Variants in XRN1 observed in about 807,000 individuals in gnomAD.
XRN1 encodes the protein 5'-3' exoribonuclease 1.
Under a neutral mutation model 222.3 loss-of-function variants are expected in XRN1, and 67 were observed. That is an observed-to-expected ratio of 0.30 (90% CI 0.25 to 0.37). The LOEUF is 0.37. Ranked by LOEUF, XRN1 falls within the 10% of genes least tolerant of loss-of-function variation. XRN1 has a pLI of 1.00. For missense variants in XRN1, 1,707 were observed against 2,000.2 expected, an observed-to-expected ratio of 0.85 and a Z score of 2.80; for synonymous variants, 643 against 652.4, an observed-to-expected ratio of 0.99 and a Z score of 0.22.
intron 29 of XRN1, among the ~76,000 whole-genome samples, chr3:142,361,961 CTCTTTTT>C (rs1347699988): frequency 9.0e-5 from 9 of 99,974 alleles, no homozygotes; most frequent in African/African-American, 3.6e-4. Context: ...TTCTTTTTCT[CTCTTTTT>C]TTTTTTTTTT....
intron 10 of XRN1, among the ~76,000 whole-genome samples, chr3:142,420,694 T>G (rs977256779): frequency 6.6e-6 from 1 of 152,160 alleles, no homozygotes; most frequent in Non-Finnish European, 1.5e-5. Context: ...TTTAATAACA[T>G]GTTTTAAGTA....
In XRN1 at chr3:142,312,766, A is replaced by G; in HGVS notation, c.4622-8T>C. ...ACGAAGGCATTATATTAGCTGTTAA[A>G]AACCAAGGAAAATTTTTCTTTTAGT... On this transcript the variant is annotated splice_region_variant and splice_polypyrimidine_tract_variant and intron_variant, in intron 39 of 40. Coordinates refer to ENST00000392981, the MANE Select transcript of XRN1 (RefSeq NM_001282857.2). 6.3e-7 allele frequency: 1 copy of G among 1,581,728 alleles called. No individual in the cohort carries two copies. The highest frequency in any genetic ancestry group is 1.2e-5 in the South Asian group (1 of 86,892).
At chr3:142,426,639 C>A (rs1393949797) in intron 3 of XRN1, 105 bp downstream of exon 3, 3 of 1,099,062 alleles carry the variant, frequency 2.7e-6, no homozygotes, top group Non-Finnish European at 2.6e-6. Context: ...GTAAATGGAA[C>A]CCTAAGGCCA....
At chr3:142,385,144 C>T (rs1380153892) in intron 20 of XRN1, among the ~76,000 whole-genome samples, 2 of 152,142 alleles carry the variant, frequency 1.3e-5, no homozygotes, top group Non-Finnish European at 2.9e-5. Flanking sequence ...GGATTGGAAA[C>T]AGGTACTCAA....
chr3:142,408,424 C>A (rs2068435678), intron 15 of XRN1, among the ~76,000 whole-genome samples: 1 of 152,168 alleles, frequency 6.6e-6, no homozygotes, highest in African/African-American at 2.4e-5. Context: ...TCTTCTATCC[C>A]TTGCGATGCA....
In XRN1 at chr3:142,314,509, T is replaced by G. The variant is rs76801171; in HGVS notation, c.4622-1751A>C. The stretch of plus-strand genomic sequence containing the variant: ...TAGCTACTGTATTCATTTTTGAATG[T>G]GAAGCAGCAGCAGTCAAATTAGATT... On this transcript the variant is annotated intron_variant, in intron 39 of 40. Coordinates refer to ENST00000392981, the MANE Select transcript of XRN1 (RefSeq NM_001282857.2). 1.2e-3 allele frequency among the ~76,000 whole-genome samples: 179 copies of G among 152,310 alleles called. 1 individual carries two copies. In the East Asian group the frequency reaches 0.033, roughly 28 times the overall value.
At chr3:142,428,374 G>A (rs1395097325) in intron 2 of XRN1, among the ~76,000 whole-genome samples, 2 of 135,554 alleles carry the variant, frequency 1.5e-5, no homozygotes, top group Admixed American at 8.0e-5. Context: ...CAGCTTGGGC[G>A]AGACAGAGCA....
chr3:142,425,044 T>C (rs912792425), intron 5 of XRN1, among the ~76,000 whole-genome samples, 178 bp downstream of exon 5: 1 of 152,162 alleles, frequency 6.6e-6, no homozygotes, highest in African/African-American at 2.4e-5. Context: ...GTCAATAAAC[T>C]ATGGTTAAAA....
At chr3:142,434,937 T>G (rs992306648) in intron 1 of XRN1, 5 of 152,120 alleles carry the variant, frequency 3.3e-5, no homozygotes, top group Admixed American at 6.5e-5. Context: ...AAAAATTACA[T>G]ACAAATATTT....
chr3:142,398,131 G>T (rs2067996341), intron 19 of XRN1, among the ~76,000 whole-genome samples: 1 of 152,026 alleles, frequency 6.6e-6, no homozygotes, highest in Admixed American at 6.5e-5. Context: ...TGTAGTCCCA[G>T]ATACTCGGGA....
At chr3:142,429,110 GAAGA>G (rs997171156) in intron 2 of XRN1, among the ~76,000 whole-genome samples, 1 of 150,548 alleles carries the variant, frequency 6.6e-6, no homozygotes, top group Non-Finnish European at 1.5e-5. Context: ...GAAATAAGTT[GAAGA>G]AAGAAGTATT....
intron 20 of XRN1, among the ~76,000 whole-genome samples, chr3:142,386,546 G>C (rs1466894019): frequency 2.0e-5 from 3 of 151,984 alleles, no homozygotes; most frequent in Non-Finnish European, 4.4e-5. Context: ...TTAAAAACAA[G>C]CTACAGTGAT....
intron 15 of XRN1, among the ~76,000 whole-genome samples, chr3:142,405,375 C>A (rs1245779989): frequency 6.6e-6 from 1 of 152,122 alleles, no homozygotes; most frequent in Non-Finnish European, 1.5e-5. Context: ...AAGTGTGAAT[C>A]TATTATAATA....
At chr3:142,364,504 C>T (rs2066756833) in intron 29 of XRN1, among the ~76,000 whole-genome samples, 1 of 152,004 alleles carries the variant, frequency 6.6e-6, no homozygotes, top group South Asian at 2.1e-4. Flanking sequence ...ACTGTATGCA[C>T]ACTGTTGTGC....
chr3:142,444,469 G>C (rs2070404779), intron 1 of XRN1, among the ~76,000 whole-genome samples: 1 of 152,116 alleles, frequency 6.6e-6, no homozygotes, highest in Non-Finnish European at 1.5e-5. Context: ...AAATTAGCTA[G>C]GCGTAGTGGC....
chr3:142,427,264 T>A (rs529859635), intron 2 of XRN1, among the ~76,000 whole-genome samples: 40 of 152,062 alleles, frequency 2.6e-4, no homozygotes, highest in Admixed American at 1.2e-3. Flanking sequence ...GCCCAGGAGC[T>A]CAAGATTGCA....
chr3:142,317,331 T>C (rs531273951), intron 39 of XRN1, among the ~76,000 whole-genome samples: 78 of 152,332 alleles, frequency 5.1e-4, no homozygotes, highest in African/African-American at 1.5e-3. Context: ...ATCTGTGCAC[T>C]AAGTCTCTGT....
intron 24 of XRN1, 23 bp downstream of exon 24, chr3:142,376,451 TAAGTA>T (rs1446332144): frequency 6.6e-7 from 1 of 1,518,072 alleles, no homozygotes; most frequent in African/African-American, 1.4e-5. Flanking sequence ...TCTGCCACTT[TAAGTA>T]AATTTCTCTA....
chr3:142,418,971 A>G, intron 10 of XRN1, 90 bp from the exon 11 acceptor site: 1 of 1,229,338 alleles, frequency 8.1e-7, no homozygotes, highest in Non-Finnish European at 1.2e-6. Context: ...TTGCTTTTCT[A>G]TAGTTCTTCC....
Sources: allele counts gnomAD v4.1 joint callset (sites outside exome capture counted in the v4.1 genomes callset), GRCh38; gene constraint gnomAD v4.1.1; transcripts MANE v1.5; gene names NCBI Gene and HGNC (gene_info 2026-07-23, HGNC 2026-07-21).